The following BMP1 variants were observed in gnomAD, a reference collection of about 807,000 sequenced individuals.
BMP1 encodes the protein mammalian tolloid protein.
BMP1 carries 63 observed loss-of-function variants against 116.8 expected under a neutral mutation model. The observed-to-expected ratio is 0.54, with a 90% CI of 0.44 to 0.67. The LOEUF (loss-of-function observed/expected upper bound fraction) is 0.67. Among genes scored for constraint, BMP1 ranks in the 30% least tolerant of loss-of-function variants. BMP1 has a pLI of 0.00. For synonymous variants in BMP1, 536 were observed against 533.4 expected (o/e 1.00, Z -0.07); for missense variants, 1,183 against 1,358.9 (o/e 0.87, Z 2.04).
intron 16 of BMP1, among the ~76,000 whole-genome samples, chr8:22,205,177 G>A (rs1281081841): frequency 1.9e-4 from 29 of 152,170 alleles, no homozygotes; most frequent in East Asian, 9.6e-4. Flanking sequence ...GAGAGAGGTG[G>A]TCTGCCACTG....
chr8:22,166,605 G>A (rs1308384088), intron 1 of BMP1, among the ~76,000 whole-genome samples: 1 of 151,678 alleles, frequency 6.6e-6, no homozygotes. Context: ...CAGAGCCAGG[G>A]GAAGTGGCAT....
intron 18 of BMP1, among the ~76,000 whole-genome samples, chr8:22,207,956 T>G (rs1273455712): frequency 6.6e-6 from 1 of 152,218 alleles, no homozygotes; most frequent in Non-Finnish European, 1.5e-5. Flanking sequence ...CGATCTTGGT[T>G]CACTGCAACC....
intron 16 of BMP1, among the ~76,000 whole-genome samples, chr8:22,204,111 C>G (rs924814937): frequency 2.6e-5 from 4 of 152,192 alleles, no homozygotes; most frequent in Non-Finnish European, 5.9e-5. Flanking sequence ...CCCTCTGTTC[C>G]CACGGAGATT....
At chr8:22,205,071 C>T (rs933062656) in intron 16 of BMP1, among the ~76,000 whole-genome samples, 1 of 152,146 alleles carries the variant, frequency 6.6e-6, no homozygotes, top group Admixed American at 6.6e-5. Context: ...TCTGAGGCTT[C>T]AGGGCAGCAG....
At chr8:22,207,041 C>T in intron 17 of BMP1, 60 bp downstream of exon 17, 1 of 1,596,192 alleles carries the variant, frequency 6.3e-7, no homozygotes, top group Non-Finnish European at 8.5e-7. Flanking sequence ...GAGGCACTGC[C>T]CAGAGCCACA....
intron 15 of BMP1, among the ~76,000 whole-genome samples, chr8:22,198,136 G>A (rs1829145254): frequency 6.6e-6 from 1 of 152,246 alleles, no homozygotes; most frequent in Non-Finnish European, 1.5e-5. Flanking sequence ...AGTGAACGAT[G>A]ATCTCGTCAC....
At chr8:22,210,464 T>TCA (rs1261150197) in intron 19 of BMP1, among the ~76,000 whole-genome samples, 1 of 90,564 alleles carries the variant, frequency 1.1e-5, no homozygotes, top group Admixed American at 1.0e-4. Context: ...TCTCTCTCTC[T>TCA]CTCTCACACA....
Position 22,206,963 on chromosome 8 carries a change from C to T in BMP1, c.2343C>T (p.Pro781=), listed in dbSNP as rs373276348. Reference sequence around the variant, plus strand: ...GCACGTGGGCCATCTCCAGCACCCCCGGGCACCGGGTCAAGCTGGTAAGGG... The same window carrying T: ...GCACGTGGGCCATCTCCAGCACCCCTGGGCACCGGGTCAAGCTGGTAAGGG... ...KECTWAISST[P]GHRVKLTFME... Residue 781 remains proline, a synonymous_variant, in exon 17 of 20, where the codon CCC becomes CCT. Transcript: ENST00000306385. The T allele has an allele frequency of 9.9e-6, 16 of 1,614,052 alleles. No individual in the cohort carries two copies. The East Asian group carries it at 2.0e-4, about 20-fold the overall frequency.
Position 22,209,573 on chromosome 8 carries a change from G to A in BMP1, c.2704G>A (p.Val902Met), listed in dbSNP as rs150895148. The A allele has an allele frequency of 4.5e-5, 72 of 1,614,126 alleles. No homozygotes were observed. Among genetic ancestry groups the A allele is most frequent in the Non-Finnish European group, 5.2e-5 (61 of 1,180,046 alleles). ...CATTGTGGCCGAGGAAGGCTACGGC[G>A]TGGAGCTCGTGTTCCAGACCTTTGA... The part of the protein sequence containing the change: ...WVIVAEEGYG[V>M]ELVFQTFEVE... The change falls in exon 19 of 20, where the codon GTG becomes ATG. Residue 902 changes from valine to methionine, a missense_variant. Physicochemically the swap from Val to Met is conservative, Grantham distance 21 (BLOSUM62 1). Transcript: ENST00000306385.
chr8:22,197,137 A>T, intron 14 of BMP1, 103 bp from the exon 15 acceptor site: 1 of 1,446,566 alleles, frequency 6.9e-7, no homozygotes, highest in South Asian at 1.3e-5. Flanking sequence ...GGCGTAGCTA[A>T]GTCAAGGCTA....
intron 4 of BMP1, 74 bp downstream of exon 4, chr8:22,176,724 G>T: frequency 6.7e-7 from 1 of 1,495,292 alleles, no homozygotes. Context: ...CCCTGCCACT[G>T]CCCCCAGCTG....
chr8:22,204,263 G>A (rs557606421), intron 16 of BMP1, among the ~76,000 whole-genome samples: 208 of 152,274 alleles, frequency 1.4e-3, no homozygotes, highest in Non-Finnish European at 2.3e-3. Flanking sequence ...TGGGTAGACG[G>A]GAGCTTCACC....
In BMP1 at chr8:22,196,722, C is replaced by A. The variant is rs775572627; in HGVS notation, c.1808C>A (p.Thr603Asn). The change falls in exon 14 of 20, where the codon ACC becomes AAC. Residue 603 changes from threonine (T) to asparagine (N), a missense_variant. Physicochemically the swap from Thr to Asn is moderately conservative, Grantham distance 65. Transcript: ENST00000306385. The stretch of plus-strand genomic sequence containing the variant: ...CTCACCAAGCTCAACGGCTCCATCA[C>A]CAGCCCGGGCTGGCCCAAGGAGTAC... ...GFLTKLNGSI[T>N]SPGWPKEYPP... The A allele has an allele frequency of 1.9e-6, 3 of 1,614,170 alleles. No individual in the cohort carries two copies. In the South Asian group the frequency reaches 3.3e-5, roughly 18 times the overall value.
chr8:22,196,484 C>T (rs1447601695), intron 13 of BMP1, 196 bp from the exon 14 acceptor site: 1 of 692,096 alleles, frequency 1.4e-6, no homozygotes, highest in Non-Finnish European at 2.5e-6. Flanking sequence ...CCACTCCTCC[C>T]TACAGGCCCA....
Position 22,194,293 on chromosome 8 carries a change from G to A in BMP1, c.1297+119G>A. ...GGGTTCCCAAGGGAAGAAGCAGAGA[G>A]AATGATGGGATTGCCTGGGACTGGG... On this transcript the variant is annotated intron_variant, in intron 10 of 19. Coordinates refer to ENST00000306385, the MANE Select transcript of BMP1 (RefSeq NM_006129.5). This position sits in a 1 kb window ranked among gnomAD's most constrained non-coding sequence, Gnocchi z 4.5. The A allele has an allele frequency of 6.9e-7, 1 of 1,452,578 alleles. No homozygotes were observed. Among genetic ancestry groups the A allele is most frequent in the Non-Finnish European group, 9.6e-7 (1 of 1,046,946 alleles). 90.0% of individuals were successfully genotyped at this position (1,452,578 alleles called of 1,614,324 possible).
chr8:22,174,928 C>T (rs1466032139), intron 2 of BMP1, among the ~76,000 whole-genome samples: 4 of 152,180 alleles, frequency 2.6e-5, no homozygotes. Flanking sequence ...GCCACTGTAC[C>T]AAAGGGCAGG....
rs186304275 is a variant in BMP1 at position 22,188,764 on chromosome 8, G to T, written c.1078-3285G>T. On this transcript the variant is annotated intron_variant, in intron 8 of 19. Coordinates refer to ENST00000306385, the MANE Select transcript of BMP1 (RefSeq NM_006129.5). Reference sequence around the variant, plus strand: ...TTCCTCCTACTTCTTTGGAGCTCTCGGGTGGGCCCTCTGGGGTTCTGCCGG... The same window carrying T: ...TTCCTCCTACTTCTTTGGAGCTCTCTGGTGGGCCCTCTGGGGTTCTGCCGG... 5.4e-4 allele frequency among the ~76,000 whole-genome samples: 82 copies of T among 152,306 alleles called. 1 individual carries two copies. The highest frequency in any genetic ancestry group is 1.9e-3 in the African/African-American group (78 of 41,570).
chr8:22,201,001 C>T (rs1320785703), intron 15 of BMP1: 3 of 374,816 alleles, frequency 8.0e-6, no homozygotes, highest in South Asian at 4.3e-5. Context: ...CCGCCCCACC[C>T]TGCCCCTCAG....
chr8:22,207,417 A>G lies in BMP1; in HGVS notation c.2476A>G (p.Lys826Glu), dbSNP rs766977410. ...CCTCGGCCGCTTCTGTGGGAGCAAG[A>G]AGCCCGAGCCCGTCCTGGCCACAGG... The part of the protein sequence containing the change: ...PVLGRFCGSK[K>E]PEPVLATGSR... The change falls in exon 18 of 20, where the codon AAG becomes GAG. Residue 826 changes from lysine (K) to glutamate (E), a missense_variant. By Grantham distance (56) the Lys-to-Glu change is moderately conservative (BLOSUM62 1). Transcript: ENST00000306385. 6.2e-7 allele frequency: 1 copy of G among 1,614,124 alleles called. No homozygotes were observed. The highest frequency in any genetic ancestry group is 1.1e-5 in the South Asian group (1 of 91,084).
Sources: allele counts gnomAD v4.1 joint callset (sites outside exome capture counted in the v4.1 genomes callset), GRCh38; gene constraint gnomAD v4.1.1; non-coding constraint Gnocchi (gnomAD v3.1); transcripts MANE v1.5; gene names NCBI Gene and HGNC (gene_info 2026-07-23, HGNC 2026-07-21).